Variants in IL1R1 observed in about 807,000 individuals in gnomAD.
IL1R1 encodes interleukin-1 receptor type 1.
Under a neutral mutation model 50.2 loss-of-function variants are expected in IL1R1, and 22 were observed. That is an observed-to-expected ratio of 0.44 (90% CI 0.31 to 0.63). The LOEUF is 0.63. Ranked by LOEUF, IL1R1 falls within the 20% of genes least tolerant of loss-of-function variation. The pLI is 0.07. For missense variants in IL1R1, 509 were observed against 676.2 expected, an observed-to-expected ratio of 0.75 and a Z score of 2.74; for synonymous variants, 251 against 236.7, an observed-to-expected ratio of 1.06 and a Z score of -0.55.
chr2:102,156,966 C>A (rs563978387), intron 2 of IL1R1, among the ~76,000 whole-genome samples: 1 of 152,050 alleles, frequency 6.6e-6, no homozygotes, highest in Non-Finnish European at 1.5e-5. Flanking sequence ...TTTAATCTCC[C>A]GTAAAAATTA....
At chr2:102,078,445 G>T (rs1679068373) in intron 1 of IL1R1, among the ~76,000 whole-genome samples, 1 of 151,842 alleles carries the variant, frequency 6.6e-6, no homozygotes, top group South Asian at 2.1e-4. Context: ...TAATTAAAAA[G>T]CCTAGTTGAA....
chr2:102,165,892 C>T (rs1685141706), intron 5 of IL1R1, among the ~76,000 whole-genome samples: 1 of 152,126 alleles, frequency 6.6e-6, no homozygotes, highest in African/African-American at 2.4e-5. Flanking sequence ...GCCTTCACTT[C>T]ATAGTACAAG....
intron 1 of IL1R1, among the ~76,000 whole-genome samples, chr2:102,150,897 A>G (rs544220053): frequency 2.0e-5 from 3 of 152,168 alleles, no homozygotes; most frequent in African/African-American, 7.2e-5. Flanking sequence ...ACCGTATGCT[A>G]TGGCTTATTA....
chr2:102,108,609 G>T (rs977581551), intron 1 of IL1R1, among the ~76,000 whole-genome samples: 5 of 151,870 alleles, frequency 3.3e-5, no homozygotes, highest in African/African-American at 9.7e-5. Flanking sequence ...GTGGAGAAAA[G>T]AATATTCCAA....
intron 1 of IL1R1, among the ~76,000 whole-genome samples, chr2:102,093,934 G>T (rs1309114572): frequency 6.6e-6 from 1 of 152,150 alleles, no homozygotes; most frequent in Non-Finnish European, 1.5e-5. Flanking sequence ...GTCCAGCCAC[G>T]CCCGGTTCCA....
At chr2:102,126,406 C>A (rs2104404747) in intron 1 of IL1R1, among the ~76,000 whole-genome samples, 1 of 152,294 alleles carries the variant, frequency 6.6e-6, no homozygotes, top group East Asian at 1.9e-4. Flanking sequence ...GGTGAAAGAT[C>A]TTTTATAAAC....
chr2:102,105,419 C>T (rs955869802), intron 1 of IL1R1, among the ~76,000 whole-genome samples: 24 of 152,134 alleles, frequency 1.6e-4, no homozygotes, highest in African/African-American at 4.8e-4. Context: ...GACTGGAGTA[C>T]AATGGCATGA....
intron 1 of IL1R1, among the ~76,000 whole-genome samples, chr2:102,116,864 A>C (rs549855433): frequency 1.3e-5 from 2 of 152,134 alleles, no homozygotes; most frequent in Admixed American, 1.3e-4. Flanking sequence ...ATTTTCCTAG[A>C]TAAAATTTGC....
chr2:102,072,122 T>C (rs573601755), intron 1 of IL1R1, among the ~76,000 whole-genome samples: 2 of 152,114 alleles, frequency 1.3e-5, no homozygotes, highest in African/African-American at 2.4e-5. Flanking sequence ...TAGCTGGGCA[T>C]GGTGGCCTGT....
At chr2:102,073,141 A>T (rs181260324) in intron 1 of IL1R1, among the ~76,000 whole-genome samples, 106 of 152,340 alleles carry the variant, frequency 7.0e-4, no homozygotes, top group African/African-American at 2.3e-3. Context: ...CTTTGGATGC[A>T]GTAGGTCTGG....
At chr2:102,095,743 G>T (rs1483468867) in intron 1 of IL1R1, among the ~76,000 whole-genome samples, 1 of 152,130 alleles carries the variant, frequency 6.6e-6, no homozygotes, top group African/African-American at 2.4e-5. Flanking sequence ...GGTGGCTCAC[G>T]CCTGAAATCC....
intron 1 of IL1R1, among the ~76,000 whole-genome samples, chr2:102,120,416 C>A (rs763881060): frequency 6.6e-6 from 1 of 152,026 alleles, no homozygotes; most frequent in Non-Finnish European, 1.5e-5. Context: ...TGTGCACGTG[C>A]CAAGTACCTG....
intron 1 of IL1R1, among the ~76,000 whole-genome samples, chr2:102,143,936 T>C (rs932959054): frequency 2.4e-4 from 37 of 152,268 alleles, no homozygotes; most frequent in African/African-American, 8.2e-4. Context: ...GGAGCAAGGG[T>C]CCATTCGTCA....
intron 1 of IL1R1, among the ~76,000 whole-genome samples, chr2:102,073,364 A>G (rs796171209): frequency 2.1e-4 from 32 of 152,322 alleles, no homozygotes; most frequent in African/African-American, 7.7e-4. Flanking sequence ...AAAGTCCACT[A>G]GGCAAAGTGC....
chr2:102,174,751 C>T, intron 10 of IL1R1, 21 bp downstream of exon 10: 4 of 1,588,248 alleles, frequency 2.5e-6, no homozygotes, highest in Non-Finnish European at 3.4e-6. Flanking sequence ...GTATTCCATG[C>T]AGTATTTCTT....
chr2:102,084,975 A>G (rs1679373317), intron 1 of IL1R1, among the ~76,000 whole-genome samples: 1 of 152,204 alleles, frequency 6.6e-6, no homozygotes, highest in Non-Finnish European at 1.5e-5. Flanking sequence ...AATTTCCCCA[A>G]TGGCTAATGC....
intron 1 of IL1R1, among the ~76,000 whole-genome samples, chr2:102,121,994 G>C (rs1047112027): frequency 1.3e-5 from 2 of 152,110 alleles, no homozygotes; most frequent in African/African-American, 4.8e-5. Context: ...ATCAAGAAAA[G>C]GGCAGCCCTG....
At chr2:102,091,706 C>G (rs933319366) in intron 1 of IL1R1, among the ~76,000 whole-genome samples, 2 of 152,168 alleles carry the variant, frequency 1.3e-5, no homozygotes, top group Non-Finnish European at 2.9e-5. Flanking sequence ...ACCTTGCTCT[C>G]CAATAGAACA....
intron 3 of IL1R1, among the ~76,000 whole-genome samples, chr2:102,160,297 A>G (rs1351011052): frequency 6.6e-6 from 1 of 152,124 alleles, no homozygotes; most frequent in African/African-American, 2.4e-5. Context: ...CTAAAGATTT[A>G]TCAATTTTAT....
Sources: allele counts gnomAD v4.1 joint callset (sites outside exome capture counted in the v4.1 genomes callset), GRCh38; gene constraint gnomAD v4.1.1; transcripts MANE v1.5; gene names NCBI Gene and HGNC (gene_info 2026-07-23, HGNC 2026-07-21).